Variants in PELP1 observed in about 807,000 individuals in gnomAD.
PELP1 encodes proline, glutamate and leucine rich protein 1, also known as proline-, glutamic acid- and leucine-rich protein 1.
In PELP1, 32 loss-of-function variants were observed where a neutral mutation model predicts 95.5. The ratio of observed to expected loss-of-function variants is 0.34; its 90% CI spans 0.25 to 0.45. The LOEUF (loss-of-function observed/expected upper bound fraction) is 0.45. PELP1 is among the 20% of genes least tolerant of loss of function. The pLI is 1.00. For missense variants in PELP1, 1,358 were observed against 1,444.8 expected, an observed-to-expected ratio of 0.94 and a Z score of 0.97; for synonymous variants, 668 against 600.1, an observed-to-expected ratio of 1.11 and a Z score of -1.65.
rs1026791407 is a variant in PELP1, at chr17:4,683,307, G to A, written c.421-355C>T. Among the ~76,000 whole-genome samples, 336 of 149,466 alleles carry A rather than the reference G, an allele frequency of 2.2e-3. 1 individual carries two copies. Among genetic ancestry groups the A allele is most frequent in the African/African-American group, 7.9e-3 (320 of 40,478 alleles). Reference sequence around the variant, plus strand: ...GCGATCTCGGCTCACTGCAAGCTCCGCCTCCCGGGTTCACGCCATTCTCCT... The same window carrying A: ...GCGATCTCGGCTCACTGCAAGCTCCACCTCCCGGGTTCACGCCATTCTCCT... On this transcript the variant is annotated intron_variant, in intron 3 of 16. Transcript: ENST00000572293.
intron 1 of PELP1, among the ~76,000 whole-genome samples, chr17:4,699,586 G>A (rs979665848): frequency 6.6e-6 from 1 of 152,086 alleles, no homozygotes; most frequent in South Asian, 2.1e-4. Flanking sequence ...GTAGCTAGAG[G>A]GTGATTTGTT....
Position 4,676,144 on chromosome 17 carries a change from C to G in PELP1, c.872G>C (p.Gly291Ala). 1 of 1,613,974 alleles carries G rather than the reference C, an allele frequency of 6.2e-7. No individual in the cohort carries two copies. Among genetic ancestry groups the G allele is most frequent in the Non-Finnish European group, 8.5e-7 (1 of 1,179,858 alleles). ...GGACAGCAGCATCTCCACCCCAGGG[C>G]CTTCATTCTGCACAGGAGCTGGCAG... ...GAETAPVQNE[G>A]PGVEMLLSSE... is the part of the protein sequence containing the mutation. The change falls in exon 8 of 17, where the codon GGC becomes GCC. Residue 291 changes from glycine (G) to alanine (A), a missense_variant. Gly to Ala is a moderately conservative substitution (Grantham distance 60, BLOSUM62 0). Coordinates refer to ENST00000572293, the MANE Select transcript of PELP1 (RefSeq NM_014389.3).
intron 13 of PELP1, 36 bp downstream of exon 13, chr17:4,674,474 T>G (rs1280867477): frequency 4.4e-6 from 7 of 1,590,156 alleles, no homozygotes; most frequent in Non-Finnish European, 5.1e-6. Context: ...GGGTCCCGTT[T>G]GAGCCCCAGT....
At chr17:4,676,890 C>A (rs1912504033) in intron 5 of PELP1, 78 bp from the exon 6 acceptor site, 6 of 1,094,664 alleles carry the variant, frequency 5.5e-6, no homozygotes, top group African/African-American at 1.6e-5. Flanking sequence ...CCGTTCCCAG[C>A]AGCAGACTCT....
intron 1 of PELP1, among the ~76,000 whole-genome samples, chr17:4,695,894 T>C (rs902296257): frequency 6.6e-6 from 1 of 151,584 alleles, no homozygotes; most frequent in Admixed American, 6.6e-5. Flanking sequence ...CTCCAACTCC[T>C]GACCTCAGGT....
At chr17:4,686,522 T>C (rs1026573423) in intron 3 of PELP1, among the ~76,000 whole-genome samples, 1 of 152,114 alleles carries the variant, frequency 6.6e-6, no homozygotes, top group Non-Finnish European at 1.5e-5. Context: ...ATTTTCTTTC[T>C]TTCTTTCTTA....
intron 5 of PELP1, among the ~76,000 whole-genome samples, chr17:4,679,554 T>C (rs1912619359): frequency 6.6e-6 from 1 of 152,178 alleles, no homozygotes; most frequent in Non-Finnish European, 1.5e-5. Context: ...ATAAAGATAA[T>C]ACCTAACAGA....
At chr17:4,682,067 G>A (rs1912711295) in intron 5 of PELP1, among the ~76,000 whole-genome samples, 1 of 152,048 alleles carries the variant, frequency 6.6e-6, no homozygotes, top group African/African-American at 2.4e-5. Flanking sequence ...GGCTGAGGTG[G>A]GAGAATTGCT....
Position 4,672,077 on chromosome 17 carries a change from C to T in PELP1, c.2914G>A (p.Val972Ile). 6.4e-7 allele frequency: 1 copy of T among 1,555,148 alleles called. No homozygotes were observed. The highest frequency in any genetic ancestry group is 8.7e-7 in the Non-Finnish European group (1 of 1,149,096). ...DLEFGTAGGE[V>I]EEGAPPPPTL... ...GGGGGTGGAGGTGCACCTTCTTCTACCTCCCCTCCTGCTGTGCCAAACTCC... is the reference window on the plus strand; with the variant it reads ...GGGGGTGGAGGTGCACCTTCTTCTATCTCCCCTCCTGCTGTGCCAAACTCC... The change falls in exon 16 of 17, where the codon GTA becomes ATA. Residue 972 changes from valine to isoleucine, a missense_variant. Val to Ile is a conservative substitution (Grantham distance 29). This residue lies in a region of PELP1 where 283 missense variants were observed against 284.1 expected (regional missense o/e 1.00). Coordinates refer to ENST00000572293, the MANE Select transcript of PELP1 (RefSeq NM_014389.3).
At position 4,672,864 on chromosome 17, in the gene PELP1, T is replaced by C. The variant is rs751262670; in HGVS notation, c.2127A>G (p.Leu709=). 3.1e-6 allele frequency: 5 copies of C among 1,613,824 alleles called. No individual in the cohort carries two copies. The highest frequency in any genetic ancestry group is 4.2e-6 in the Non-Finnish European group (5 of 1,179,822). ...ACACTAGGCCTGGGACAGAAAGGCC[T>C]AGGTGGTTGGCTGTGGTGGGAGGTC... ...RPGPPTTANH[L]GLSVPGLVSV... The change falls in exon 16 of 17, where the codon CTA becomes CTG. Residue 709 remains leucine (L), a synonymous_variant. Coordinates refer to ENST00000572293, the MANE Select transcript of PELP1 (RefSeq NM_014389.3).
At chr17:4,696,148 G>A (rs1002385747) in intron 1 of PELP1, among the ~76,000 whole-genome samples, 2 of 151,800 alleles carry the variant, frequency 1.3e-5, no homozygotes, top group Admixed American at 6.6e-5. Flanking sequence ...TGCAACCGAG[G>A]GAGACCCCCA....
intron 1 of PELP1, among the ~76,000 whole-genome samples, chr17:4,701,541 T>C (rs9901392): frequency 0.32 from 48,693 of 151,786 alleles, 8,136 homozygotes; most frequent in Middle Eastern, 0.48. Flanking sequence ...TGCTATAATA[T>C]ACTCCAAGCT....
rs758904059 is a variant in PELP1 at position 4,672,013 on chromosome 17, G to A, written c.2978C>T (p.Pro993Leu). Reference sequence around the variant, plus strand: ...AGGTTCGGGTTCTGGCTGCACCTTTGGGGGAGACTCAGGGGGAGGCAGAGC... The same window carrying A: ...AGGTTCGGGTTCTGGCTGCACCTTTAGGGGAGACTCAGGGGGAGGCAGAGC... ...PPALPPPESP[P>L]KVQPEPEPEP... Residue 993 changes from proline to leucine, a missense_variant, in exon 16 of 17, where the codon CCA (proline) becomes CTA (leucine). This residue lies in a region of PELP1 where 283 missense variants were observed against 284.1 expected (regional missense o/e 1.00). Transcript: ENST00000572293. 5.1e-6 allele frequency: 8 copies of A among 1,572,480 alleles called. No individual in the cohort carries two copies. Among genetic ancestry groups the A allele is most frequent in the Admixed American group, 1.8e-5 (1 of 54,484 alleles).
chr17:4,693,259 CATA>C (rs747667526), intron 1 of PELP1, among the ~76,000 whole-genome samples: 18 of 152,156 alleles, frequency 1.2e-4, no homozygotes, highest in Non-Finnish European at 2.4e-4. Context: ...CAGCATCATT[CATA>C]ATAACCAAAA....
chr17:4,678,198 A>G (rs1912564583), intron 5 of PELP1, among the ~76,000 whole-genome samples: 1 of 152,062 alleles, frequency 6.6e-6, no homozygotes, highest in Non-Finnish European at 1.5e-5. Context: ...TGGGTGACAG[A>G]GCAAGACTCT....
chr17:4,690,942 C>T lies in PELP1; in HGVS notation c.366G>A (p.Glu122=), dbSNP rs781404550. The T allele has an allele frequency of 6.8e-6, 11 of 1,613,840 alleles. 1 individual carries two copies. The African/African-American group carries it at 1.5e-4, about 22-fold the overall frequency. ...LSLLVGESPT[E]LFQQHCVSWL... is the part of the protein sequence containing the mutation. ...AAGACACACAGTGCTGCTGGAATAG[C>T]TCTGTGGGGCTCTCCCCTACCAGCA... Residue 122 remains glutamate (E), a synonymous_variant, in exon 3 of 17, where the codon GAG becomes GAA. Transcript: ENST00000572293.
rs892014562 is a variant in PELP1 at position 4,676,601 on chromosome 17, G to C, written c.703-94C>G. On this transcript the variant is annotated intron_variant, in intron 6 of 16. Transcript: ENST00000572293. ...TGACACCCAAAAGAGATGGAGATCA[G>C]AGAGAGCTCTGAGGGAAACCTGAGA... The C allele has an allele frequency of 1.3e-5, 20 of 1,512,956 alleles. No individual in the cohort carries two copies. In the Admixed American group the frequency reaches 3.6e-4, roughly 27 times the overall value. 93.7% of individuals were successfully genotyped at this position (1,512,956 alleles called of 1,614,324 possible).
At chr17:4,681,203 TG>T (rs1380559436) in intron 5 of PELP1, among the ~76,000 whole-genome samples, 2 of 152,168 alleles carry the variant, frequency 1.3e-5, no homozygotes, top group African/African-American at 2.4e-5. Flanking sequence ...AAGTAAAGGC[TG>T]GGTGCACAGG....
rs1912706520 is a variant in PELP1 at position 4,681,932 on chromosome 17, G to A, written c.642+570C>T. On this transcript the variant is annotated intron_variant, in intron 5 of 16. Transcript: ENST00000572293. ...TAATCCCAGCACTTTGAGAAGCTGA[G>A]GCAGGAGGATCACTTGAGGTCAGGA... Among the ~76,000 whole-genome samples the A allele has an allele frequency of 1.3e-5, 2 of 152,188 alleles. 1 individual carries two copies. The highest frequency in any genetic ancestry group is 1.3e-4 in the Admixed American group (2 of 15,280).
Sources: allele counts gnomAD v4.1 joint callset (sites outside exome capture counted in the v4.1 genomes callset), GRCh38; gene constraint gnomAD v4.1.1; regional missense constraint gnomAD v4.1.1; transcripts MANE v1.5; gene names NCBI Gene and HGNC (gene_info 2026-07-23, HGNC 2026-07-21).